Variants in LNPK observed in about 807,000 individuals in gnomAD.
The protein encoded by LNPK is lunapark, ER junction formation factor.
Under a neutral mutation model 55.2 loss-of-function variants are expected in LNPK, and 29 were observed. That is an observed-to-expected ratio of 0.53 (90% CI 0.39 to 0.72). LNPK has a LOEUF of 0.72. Among genes scored for constraint, LNPK ranks in the 30% least tolerant of loss-of-function variants. The probability of loss-of-function intolerance (pLI) is 0.00; values close to 1 mark genes in which losing one functional copy is unlikely to be tolerated. For missense variants in LNPK, 467 were observed against 494.8 expected (o/e 0.94, Z 0.53); for synonymous variants, 162 against 168.2 (o/e 0.96, Z 0.29).
intron 6 of LNPK, among the ~76,000 whole-genome samples, chr2:175,969,630 T>C (rs536498655): frequency 6.6e-6 from 1 of 152,340 alleles, no homozygotes; most frequent in East Asian, 1.9e-4. Context: ...TCTTTTTATC[T>C]CATCAGCAAG....
chr2:175,982,049 CA>C lies in LNPK; in HGVS notation c.258-2182del, dbSNP rs1160865254. Among the ~76,000 whole-genome samples the C allele has an allele frequency of 1.1e-4, 17 of 152,070 alleles. 1 individual carries two copies. The highest frequency in any genetic ancestry group is 3.6e-4 in the African/African-American group (15 of 41,488). ...GCATTTGGACAATTACCTAAAAGTA[CA>C]AAAAACACCAGGCTTTGTCCTTACC... On this transcript the variant is annotated intron_variant, in intron 4 of 12. Coordinates refer to ENST00000272748, the MANE Select transcript of LNPK (RefSeq NM_030650.3).
intron 8 of LNPK, among the ~76,000 whole-genome samples, chr2:175,958,092 C>G (rs942977620): frequency 2.0e-5 from 3 of 152,210 alleles, no homozygotes; most frequent in African/African-American, 7.2e-5. Flanking sequence ...TCAGCTCAAC[C>G]AGGCCTGCCT....
intron 5 of LNPK, among the ~76,000 whole-genome samples, chr2:175,971,779 A>T (rs1420830544): frequency 6.6e-6 from 1 of 152,242 alleles, no homozygotes; most frequent in African/African-American, 2.4e-5. Context: ...ATCTGCTAAC[A>T]TCTTCAAAGA....
intron 4 of LNPK, among the ~76,000 whole-genome samples, chr2:175,989,560 G>C (rs1256800165): frequency 6.6e-6 from 1 of 152,052 alleles, no homozygotes; most frequent in Non-Finnish European, 1.5e-5. Context: ...AAAACTTAAT[G>C]GTTGCTGACT....
At chr2:175,944,152 G>C (rs984580339) in intron 9 of LNPK, among the ~76,000 whole-genome samples, 1 of 151,968 alleles carries the variant, frequency 6.6e-6, no homozygotes, top group Admixed American at 6.6e-5. Flanking sequence ...GTTGGAAATA[G>C]TTAATAAAAC....
intron 5 of LNPK, among the ~76,000 whole-genome samples, chr2:175,976,845 C>A (rs976349463): frequency 2.0e-5 from 3 of 152,222 alleles, no homozygotes; most frequent in African/African-American, 4.8e-5. Flanking sequence ...GGGTCTCCAG[C>A]TTGCTAACTG....
At chr2:175,959,366 C>G (rs111706898) in intron 8 of LNPK, among the ~76,000 whole-genome samples, 20,539 of 152,250 alleles carry the variant, frequency 0.13, 1,771 homozygotes, top group Non-Finnish European at 0.2. Flanking sequence ...AACAGCAGAT[C>G]TCTCAGCAGA....
At chr2:175,988,465 G>A (rs1416584592) in intron 4 of LNPK, among the ~76,000 whole-genome samples, 2 of 144,640 alleles carry the variant, frequency 1.4e-5, no homozygotes, top group Non-Finnish European at 3.0e-5. Flanking sequence ...TGAGGCAAGA[G>A]TGCACCATTA....
intron 1 of LNPK, among the ~76,000 whole-genome samples, chr2:176,000,484 TAAAG>T (rs996795874): frequency 3.0e-4 from 45 of 152,230 alleles, no homozygotes; most frequent in African/African-American, 8.4e-4. Context: ...TAACTTCTTA[TAAAG>T]AAAGCACCTA....
chr2:175,941,790 C>CAAAAAAAAAAAAAAAAAAA (rs59162981), intron 9 of LNPK, among the ~76,000 whole-genome samples: 8 of 51,908 alleles, frequency 1.5e-4, no homozygotes, highest in Admixed American at 2.7e-4. Context: ...GATTCCATCT[C>CAAAAAAAAAAAAAAAAAAA]AAAAAAAAAA....
At chr2:175,961,547 G>A (rs978123451) in intron 8 of LNPK, among the ~76,000 whole-genome samples, 7 of 152,078 alleles carry the variant, frequency 4.6e-5, no homozygotes, top group South Asian at 2.1e-4. Context: ...TTGATGGGAC[G>A]TGTCTCAAAA....
At chr2:175,984,101 C>A (rs1308288118) in intron 4 of LNPK, among the ~76,000 whole-genome samples, 2 of 151,842 alleles carry the variant, frequency 1.3e-5, no homozygotes, top group Non-Finnish European at 2.9e-5. Flanking sequence ...TGCAAAAGAC[C>A]CTGTTGGGAG....
At position 175,957,911 on chromosome 2, in the gene LNPK, G is replaced by A. The variant is rs112303986; in HGVS notation, c.493+6461C>T. ...ACCACACACCAGGGGATTATATCCC[G>A]TGTCTGGTTTGGCAGATCCTATGCC... On this transcript the variant is annotated intron_variant, in intron 8 of 12. Transcript: ENST00000272748. Among the ~76,000 whole-genome samples the A allele has an allele frequency of 6.2e-3, 937 of 152,306 alleles. 4 individuals are homozygous for A. The highest frequency in any genetic ancestry group is 0.02 in the African/African-American group (827 of 41,566).
chr2:175,988,447 G>T (rs1687531542), intron 4 of LNPK, among the ~76,000 whole-genome samples: 1 of 150,186 alleles, frequency 6.7e-6, no homozygotes, highest in South Asian at 2.1e-4. Context: ...GGGAGGCAGA[G>T]GATGCAGTGA....
chr2:175,935,617 A>G (rs1474341408), intron 12 of LNPK: 2 of 173,028 alleles, frequency 1.2e-5, no homozygotes, highest in Non-Finnish European at 2.3e-5. Context: ...TCTAGAAACT[A>G]TCTTAACCAA....
At chr2:175,998,722 T>A (rs1688053107) in intron 1 of LNPK, among the ~76,000 whole-genome samples, 1 of 152,152 alleles carries the variant, frequency 6.6e-6, no homozygotes, top group Non-Finnish European at 1.5e-5. Flanking sequence ...GTAACCCAAT[T>A]CCTTTATTTG....
At chr2:175,993,798 A>T in intron 2 of LNPK, among the ~76,000 whole-genome samples, 1 of 152,168 alleles carries the variant, frequency 6.6e-6, no homozygotes, top group East Asian at 1.9e-4. Flanking sequence ...ATCTCAAAAA[A>T]AAAATTAAAT....
rs919231379 is a variant in LNPK at position 175,924,010 on chromosome 2, T to C, written c.*5957A>G. The C allele has an allele frequency of 2.4e-4, 37 of 152,216 alleles. No homozygotes were observed. The highest frequency in any genetic ancestry group is 8.7e-4 in the African/African-American group (36 of 41,464). 9.4% of individuals were successfully genotyped at this position (152,216 alleles called of 1,614,324 possible). On this transcript the variant is annotated 3_prime_UTR_variant, in exon 13 of 13. Transcript: ENST00000272748. The stretch of plus-strand genomic sequence containing the variant: ...TTTACTTATTGACCAGTAGAATGCA[T>C]ACACTTAAAACTTTAATAATTTTGA...
Position 175,964,513 on chromosome 2 carries a change from T to C in LNPK, c.434A>G (p.Lys145Arg). The C allele has an allele frequency of 4.4e-6, 7 of 1,606,052 alleles. No individual in the cohort carries two copies. Among genetic ancestry groups the C allele is most frequent in the Non-Finnish European group, 6.0e-6 (7 of 1,172,804 alleles). The change falls in exon 7 of 13, where the codon AAA becomes AGA. Residue 145 changes from lysine to arginine, a missense_variant. By Grantham distance (26) the Lys-to-Arg change is conservative (BLOSUM62 2). Coordinates refer to ENST00000272748, the MANE Select transcript of LNPK (RefSeq NM_030650.3). ...ILERFDPDSK[K>R]AKECEPPSAG... ...GTGATATCACAGTCTTACCTTTGCT[T>C]TCTTTGAGTCCGGATCAAACCTTTC...
Sources: gnomAD v4.1 joint callset for allele counts (sites outside exome capture counted in the v4.1 genomes callset) on GRCh38, gnomAD v4.1.1 for gene constraint, MANE v1.5 for transcripts, NCBI Gene and HGNC (gene_info 2026-07-23, HGNC 2026-07-21) for gene names.